ADGRL2: variants seen among roughly 807,000 people sequenced by gnomAD.
ADGRL2 encodes calcium-independent alpha-latrotoxin receptor 2.
A neutral mutation model predicts 157.4 loss-of-function variants in ADGRL2; 44 were observed. That is an observed-to-expected ratio of 0.28 (90% CI 0.22 to 0.36). The LOEUF (loss-of-function observed/expected upper bound fraction) is 0.36. Among genes scored for constraint, ADGRL2 ranks in the 10% least tolerant of loss-of-function variants. The pLI is 1.00. For synonymous variants in ADGRL2, 585 were observed against 624.7 expected (o/e 0.94, Z 0.95); for missense variants, 1,510 against 1,768.9 (o/e 0.85, Z 2.63).
chr1:81,480,583 G>A (rs1174534287), intron 2 of ADGRL2, among the ~76,000 whole-genome samples: 1 of 152,100 alleles, frequency 6.6e-6, no homozygotes, highest in African/African-American at 2.4e-5. Flanking sequence ...ACAAGATATA[G>A]CTGACCATAT....
intron 1 of ADGRL2, among the ~76,000 whole-genome samples, chr1:81,339,676 C>G (rs1260318752): frequency 6.6e-6 from 1 of 152,128 alleles, no homozygotes. Context: ...TTTTCAGTCT[C>G]TCAAGATTGA....
chr1:81,461,933 G>GC (rs1553166996), intron 2 of ADGRL2, among the ~76,000 whole-genome samples: 1 of 121,766 alleles, frequency 8.2e-6, no homozygotes, highest in Non-Finnish European at 1.8e-5. Flanking sequence ...AGAAGAAAGG[G>GC]GGGGGGGGGT....
intron 1 of ADGRL2, among the ~76,000 whole-genome samples, chr1:81,355,657 C>A (rs930917271): frequency 2.6e-5 from 4 of 151,360 alleles, no homozygotes; most frequent in African/African-American, 9.7e-5. Flanking sequence ...AAGAAGTGTA[C>A]TACAGAGGCC....
chr1:81,974,382 T>A (rs1189170444), intron 17 of ADGRL2, among the ~76,000 whole-genome samples: 1 of 152,208 alleles, frequency 6.6e-6, no homozygotes, highest in Admixed American at 6.6e-5. Flanking sequence ...GACAGCTCCA[T>A]CTGCATCGTT....
At chr1:81,627,089 A>G (rs915105541) in intron 3 of ADGRL2, among the ~76,000 whole-genome samples, 2 of 151,654 alleles carry the variant, frequency 1.3e-5, no homozygotes, top group African/African-American at 4.8e-5. Context: ...AATGTTAGCT[A>G]TTATTATTAT....
At chr1:81,536,593 A>G (rs970199989) in intron 2 of ADGRL2, among the ~76,000 whole-genome samples, 3 of 152,190 alleles carry the variant, frequency 2.0e-5, no homozygotes, top group Admixed American at 6.6e-5. Context: ...CTCGGTTTCC[A>G]TGATCTGATC....
intron 1 of ADGRL2, among the ~76,000 whole-genome samples, chr1:81,739,720 A>G (rs2085012687): frequency 1.3e-5 from 2 of 152,360 alleles, no homozygotes; most frequent in South Asian, 2.1e-4. Context: ...TCTACCCAGC[A>G]TGCTAAGCAA....
At chr1:81,979,841 T>A in intron 17 of ADGRL2, 28 bp from the exon 18 acceptor site, 1 of 1,253,950 alleles carries the variant, frequency 8.0e-7, no homozygotes, top group African/African-American at 1.5e-5. Context: ...TTGTTCATTG[T>A]GGTCTAATTC....
intron 23 of ADGRL2, among the ~76,000 whole-genome samples, chr1:81,989,115 G>T (rs1043842092): frequency 6.6e-6 from 1 of 151,126 alleles, no homozygotes; most frequent in Non-Finnish European, 1.5e-5. Context: ...ACATGTTTAT[G>T]TGTCTGTAGA....
intron 6 of ADGRL2, among the ~76,000 whole-genome samples, chr1:81,949,851 G>A (rs1245397144): frequency 6.6e-6 from 1 of 152,118 alleles, no homozygotes; most frequent in African/African-American, 2.4e-5. Context: ...AAATTAAACT[G>A]TCCCACATTT....
At chr1:81,424,553 A>G (rs1331773585) in intron 1 of ADGRL2, among the ~76,000 whole-genome samples, 1 of 152,198 alleles carries the variant, frequency 6.6e-6, no homozygotes, top group Admixed American at 6.5e-5. Flanking sequence ...ACTTTTACCA[A>G]AAATAACTGC....
At chr1:81,557,684 C>T (rs2080342486) in intron 2 of ADGRL2, 1 of 152,228 alleles carries the variant, frequency 6.6e-6, no homozygotes. Flanking sequence ...AAGCATGCAT[C>T]GCAGGATAAC....
intron 13 of ADGRL2, 143 bp from the exon 14 acceptor site, chr1:81,967,883 A>G (rs999355526): frequency 1.5e-6 from 1 of 663,282 alleles, no homozygotes; most frequent in African/African-American, 1.8e-5. Flanking sequence ...TGTATAACAT[A>G]GTCCACAATT....
intron 1 of ADGRL2, among the ~76,000 whole-genome samples, chr1:81,435,805 T>C (rs867379961): frequency 4.6e-5 from 7 of 152,166 alleles, no homozygotes; most frequent in East Asian, 1.9e-4. Flanking sequence ...TAAAAAATCA[T>C]ACATCTTCAG....
intron 2 of ADGRL2, among the ~76,000 whole-genome samples, chr1:81,508,376 C>G (rs1046348661): frequency 1.3e-5 from 2 of 152,204 alleles, no homozygotes; most frequent in Non-Finnish European, 2.9e-5. Context: ...ACCCCTACCT[C>G]AGTCACAGAC....
At chr1:81,898,407 G>T (rs543571187) in intron 2 of ADGRL2, among the ~76,000 whole-genome samples, 2 of 152,230 alleles carry the variant, frequency 1.3e-5, no homozygotes, top group South Asian at 4.1e-4. Flanking sequence ...ACAGTAGTAG[G>T]TCTTTTTTAC....
At position 81,502,123 on chromosome 1, in the gene ADGRL2, A is replaced by G. The variant is rs529356441; in HGVS notation, c.-248+57034A>G. 1.9e-6 allele frequency: 3 copies of G among 1,599,032 alleles called. No individual in the cohort carries two copies. The South Asian group carries it at 3.4e-5, about 18-fold the overall frequency. ...AAGTTGCAGAGGTGGCTGAGAAAGA[A>G]ACCCAGGCTGCTTCAAAATATTTTC... On this transcript the variant is annotated intron_variant, in intron 2 of 24. Coordinates refer to the ADGRL2 transcript ENST00000370721.
intron 3 of ADGRL2, among the ~76,000 whole-genome samples, chr1:81,659,273 G>C (rs879560739): frequency 2.0e-5 from 3 of 151,984 alleles, no homozygotes; most frequent in Admixed American, 6.6e-5. Flanking sequence ...TGTTGGCCAA[G>C]CTGGTCTTGA....
chr1:81,501,229 T>G (rs1313595935), intron 2 of ADGRL2, among the ~76,000 whole-genome samples: 2 of 152,236 alleles, frequency 1.3e-5, no homozygotes, highest in African/African-American at 4.8e-5. Context: ...CTGTTCACCT[T>G]TATACACAAC....
Sources: allele counts gnomAD v4.1 joint callset (sites outside exome capture counted in the v4.1 genomes callset), GRCh38; gene constraint gnomAD v4.1.1; transcripts MANE v1.5; gene names NCBI Gene and HGNC (gene_info 2026-07-23, HGNC 2026-07-21).